KATNIP: variants seen among roughly 807,000 people sequenced by gnomAD.
KATNIP encodes katanin interacting protein.
In KATNIP, 126 loss-of-function variants were observed where a neutral mutation model predicts 174.0. The observed-to-expected ratio is 0.72, with a 90% confidence interval of 0.63 to 0.84. The LOEUF (loss-of-function observed/expected upper bound fraction) is 0.84, where lower values mean the gene tolerates loss of function less well. KATNIP is among the 40% of genes least tolerant of loss of function. The pLI is 0.00. For missense variants in KATNIP, 1,958 were observed against 2,109.7 expected, an observed-to-expected ratio of 0.93 and a Z score of 1.41; for synonymous variants, 810 against 835.7, an observed-to-expected ratio of 0.97 and a Z score of 0.53.
At position 27,604,211 on chromosome 16, in the gene KATNIP, G is replaced by A. The variant is rs150731758; in HGVS notation, c.64-14214G>A. Among the ~76,000 whole-genome samples the A allele has an allele frequency of 5.4e-3, 824 of 152,152 alleles. 6 individuals are homozygous for A. The highest frequency in any genetic ancestry group is 0.019 in the African/African-American group (787 of 41,492). Reference sequence around the variant, plus strand: ...TCTCCTGGGCTCAAGCGATCCTCTCGCCTCAGCCTCCCAAGTAGCTGGGAC... The same window carrying A: ...TCTCCTGGGCTCAAGCGATCCTCTCACCTCAGCCTCCCAAGTAGCTGGGAC... On this transcript the variant is annotated intron_variant, in intron 2 of 27. Coordinates refer to ENST00000261588, the MANE Select transcript of KATNIP (RefSeq NM_015202.5).
intron 5 of KATNIP, among the ~76,000 whole-genome samples, chr16:27,634,201 C>T (rs753202985): frequency 4.6e-5 from 7 of 152,226 alleles, no homozygotes; most frequent in Admixed American, 2.6e-4. Context: ...TGGTCCCACA[C>T]TTCACAGGGC....
At chr16:27,701,358 C>T (rs967750672) in intron 10 of KATNIP, 43 of 429,120 alleles carry the variant, frequency 1.0e-4, no homozygotes, top group South Asian at 5.5e-4. Flanking sequence ...TTTACAGTCA[C>T]TCATCGAAGT....
At chr16:27,745,450 A>G (rs139580553) in intron 15 of KATNIP, among the ~76,000 whole-genome samples, 6 of 152,036 alleles carry the variant, frequency 3.9e-5, no homozygotes, top group African/African-American at 7.2e-5. Context: ...TGGAGTGACT[A>G]TGCCCAGCTC....
Position 27,711,541 on chromosome 16 carries a change from G to A in KATNIP, c.1605+2621G>A, listed in dbSNP as rs958833090. The stretch of plus-strand genomic sequence containing the variant: ...TCGGTTAGCTGGTTGGTTTGTCCTC[G>A]CAACTCTCTGCTGGAAATAGTCTCA... On this transcript the variant is annotated intron_variant, in intron 13 of 27. Coordinates refer to ENST00000261588, the MANE Select transcript of KATNIP (RefSeq NM_015202.5). Among the ~76,000 whole-genome samples, 32 of 152,236 alleles carry A rather than the reference G, an allele frequency of 2.1e-4. 1 individual carries two copies. Among genetic ancestry groups the A allele is most frequent in the Middle Eastern group, 6.8e-3 (2 of 292 alleles).
At chr16:27,718,025 A>G (rs972268018) in intron 13 of KATNIP, among the ~76,000 whole-genome samples, 1 of 152,076 alleles carries the variant, frequency 6.6e-6, no homozygotes, top group Non-Finnish European at 1.5e-5. Context: ...TCTCCCATTG[A>G]TATTTTCTGC....
Position 27,771,664 on chromosome 16 carries a change from C to T in KATNIP, c.4198+12C>T. The T allele has an allele frequency of 6.2e-7, 1 of 1,612,562 alleles. No homozygotes were observed. Among genetic ancestry groups the T allele is most frequent in the Admixed American group, 1.7e-5 (1 of 59,926 alleles). ...GATGCCCTGTGGCTGTATCCTTCTC[C>T]TCCCGCCCCACCAGCACATTCTGGG... On this transcript the variant is annotated intron_variant, in intron 22 of 27. Coordinates refer to ENST00000261588, the MANE Select transcript of KATNIP (RefSeq NM_015202.5).
At chr16:27,607,674 C>A (rs1458647958) in intron 2 of KATNIP, among the ~76,000 whole-genome samples, 1 of 149,966 alleles carries the variant, frequency 6.7e-6, no homozygotes, top group Non-Finnish European at 1.5e-5. Flanking sequence ...CTCAGCTCAC[C>A]ACAACCTCCG....
intron 5 of KATNIP, among the ~76,000 whole-genome samples, 163 bp from the exon 6 acceptor site, chr16:27,648,441 G>A: frequency 6.6e-6 from 1 of 152,208 alleles, no homozygotes; most frequent in East Asian, 1.9e-4. Context: ...GAGGCCTGTG[G>A]CCCATGCTCA....
chr16:27,773,053 T>G lies in KATNIP; in HGVS notation c.4199-46T>G, dbSNP rs549399799. On this transcript the variant is annotated intron_variant, in intron 22 of 27. Coordinates refer to ENST00000261588, the MANE Select transcript of KATNIP (RefSeq NM_015202.5). ...TCTTTGCCATTGTTTTACTATATTC[T>G]GAAAAAAAAAAATTAAGCCTTCTTT... is the stretch of plus-strand genomic sequence containing the variant. 4.5e-6 allele frequency: 5 copies of G among 1,122,432 alleles called. No homozygotes were observed. In the East Asian group the frequency reaches 1.3e-4, roughly 28 times the overall value. The allele number at this position is 1,122,432 out of a possible 1,614,324, so 69.5% of individuals were successfully genotyped here.
chr16:27,634,295 G>A (rs1431065747), intron 5 of KATNIP, among the ~76,000 whole-genome samples: 1 of 152,194 alleles, frequency 6.6e-6, no homozygotes, highest in African/African-American at 2.4e-5. Flanking sequence ...GGGTCAGTCA[G>A]TGCCTAACAG....
Position 27,618,510 on chromosome 16 carries a change from A to T in KATNIP, c.140+9A>T, listed in dbSNP as rs370271576. ...CTTCAGCAGAGGAACCGGTAAGAGAAGCCACTCGACGGCAGCCCTTGATAT... is the reference window on the plus strand; with the variant it reads ...CTTCAGCAGAGGAACCGGTAAGAGATGCCACTCGACGGCAGCCCTTGATAT... On this transcript the variant is annotated intron_variant, in intron 3 of 27. Transcript: ENST00000261588. 5.6e-6 allele frequency: 9 copies of T among 1,595,866 alleles called. No individual in the cohort carries two copies. The highest frequency in any genetic ancestry group is 7.7e-6 in the Non-Finnish European group (9 of 1,163,500).
chr16:27,704,124 C>T (rs569909114), intron 12 of KATNIP, 126 bp downstream of exon 12: 29 of 695,810 alleles, frequency 4.2e-5, no homozygotes, highest in South Asian at 1.4e-4. Context: ...TTTCCACCGC[C>T]CCCCCCCTCC....
At chr16:27,695,340 C>T (rs2078877422) in intron 8 of KATNIP, among the ~76,000 whole-genome samples, 2 of 152,240 alleles carry the variant, frequency 1.3e-5, no homozygotes, top group Non-Finnish European at 2.9e-5. Flanking sequence ...CCTGCGCTCC[C>T]CCAATCCCTT....
At chr16:27,664,300 C>T (rs933731317) in intron 6 of KATNIP, among the ~76,000 whole-genome samples, 2 of 152,110 alleles carry the variant, frequency 1.3e-5, no homozygotes, top group Non-Finnish European at 2.9e-5. Flanking sequence ...TTGTTTGTGG[C>T]CTACCAGATG....
At chr16:27,631,282 C>T in intron 5 of KATNIP, 120 bp downstream of exon 5, 1 of 718,914 alleles carries the variant, frequency 1.4e-6, no homozygotes, top group Non-Finnish European at 2.3e-6. Flanking sequence ...CTCCTTTATG[C>T]AATCCCAGCA....
chr16:27,695,148 G>A (rs1227403607), intron 8 of KATNIP, among the ~76,000 whole-genome samples: 2 of 152,142 alleles, frequency 1.3e-5, no homozygotes, highest in South Asian at 2.1e-4. Flanking sequence ...CTCCTCCACC[G>A]CTGTTGCCTC....
intron 2 of KATNIP, among the ~76,000 whole-genome samples, chr16:27,578,211 T>C (rs773502692): frequency 3.3e-5 from 5 of 151,970 alleles, no homozygotes; most frequent in Non-Finnish European, 7.4e-5. Flanking sequence ...TACATGCCTG[T>C]AGTACCAGCA....
chr16:27,628,641 AC>A lies in KATNIP; in HGVS notation c.141-17del. On this transcript the variant is annotated intron_variant, in intron 3 of 27. Transcript: ENST00000261588. ...GACTCTCAAATGATGAGGAGGAACAACCCACCGTTTCTCTTTCAGGATATTA... is the reference window on the plus strand; with the variant it reads ...GACTCTCAAATGATGAGGAGGAACAACCACCGTTTCTCTTTCAGGATATTA... The A allele has an allele frequency of 6.2e-7, 1 of 1,612,990 alleles. No homozygotes were observed. The highest frequency in any genetic ancestry group is 8.5e-7 in the Non-Finnish European group (1 of 1,179,238).
chr16:27,556,702 G>T (rs927259888), intron 1 of KATNIP, among the ~76,000 whole-genome samples: 2 of 152,076 alleles, frequency 1.3e-5, no homozygotes, highest in African/African-American at 4.8e-5. Context: ...CGGTTTAGCT[G>T]GTCTCTCCTG....
Sources: allele counts gnomAD v4.1 joint callset (sites outside exome capture counted in the v4.1 genomes callset), GRCh38; gene constraint gnomAD v4.1.1; transcripts MANE v1.5; gene names NCBI Gene and HGNC (gene_info 2026-07-23, HGNC 2026-07-21).